BPHL: variants seen among roughly 807,000 people sequenced by gnomAD.
BPHL encodes biphenyl hydrolase like.
A neutral mutation model predicts 31.2 loss-of-function variants in BPHL; 27 were observed. The observed-to-expected ratio is 0.87, with a 90% confidence interval of 0.64 to 1.19. The LOEUF is 1.19. BPHL is among the 50% of genes most tolerant of loss of function. The probability of loss-of-function intolerance (pLI) is 0.00; values close to 1 mark genes in which losing one functional copy is unlikely to be tolerated. For missense variants in BPHL, 356 were observed against 375.7 expected, an observed-to-expected ratio of 0.95 and a Z score of 0.43; for synonymous variants, 150 against 146.8, an observed-to-expected ratio of 1.02 and a Z score of -0.16.
intron 4 of BPHL, among the ~76,000 whole-genome samples, chr6:3,132,143 C>G (rs1174597329): frequency 6.6e-6 from 1 of 152,222 alleles, no homozygotes; most frequent in Non-Finnish European, 1.5e-5. Flanking sequence ...CATCCCCCAT[C>G]CTCTCCTAAC....
chr6:3,124,745 GA>G (rs1219739165), intron 2 of BPHL, among the ~76,000 whole-genome samples: 5 of 148,890 alleles, frequency 3.4e-5, no homozygotes, highest in Non-Finnish European at 7.4e-5. Context: ...GAGGTTGGTT[GA>G]ATCCACAGAT....
chr6:3,137,541 C>T (rs780887816), intron 5 of BPHL, 48 bp downstream of exon 5: 21 of 1,608,014 alleles, frequency 1.3e-5, no homozygotes, highest in South Asian at 2.2e-5. Flanking sequence ...AGAGGGTGCT[C>T]GAGTTCCTCC....
At chr6:3,126,562 C>A (rs906013462) in intron 2 of BPHL, among the ~76,000 whole-genome samples, 1 of 149,600 alleles carries the variant, frequency 6.7e-6, no homozygotes, top group Non-Finnish European at 1.5e-5. Context: ...GGCCTGCACT[C>A]CGCCGGGAAA....
intron 6 of BPHL, among the ~76,000 whole-genome samples, chr6:3,151,580 C>G (rs2143381): frequency 0.084 from 12,826 of 152,122 alleles, 780 homozygotes; most frequent in African/African-American, 0.17. Flanking sequence ...AGTATTGAAA[C>G]TCAAAAAATT....
chr6:3,142,285 A>AT (rs1762199850), intron 6 of BPHL, among the ~76,000 whole-genome samples: 1 of 151,910 alleles, frequency 6.6e-6, no homozygotes, highest in East Asian at 1.9e-4. Context: ...CGCCCAGCTA[A>AT]TTTTTGCATT....
chr6:3,130,284 T>G (rs76661686), intron 4 of BPHL, among the ~76,000 whole-genome samples: 5,770 of 152,164 alleles, frequency 0.038, 148 homozygotes, highest in Non-Finnish European at 0.059. Context: ...AGACCTGCAC[T>G]GGTGGTCACT....
intron 5 of BPHL, chr6:3,138,099 A>G (rs1399157597): frequency 3.4e-6 from 3 of 878,364 alleles, no homozygotes; most frequent in East Asian, 6.3e-5. Flanking sequence ...GCTCACTGCA[A>G]TCTCTGTCTC....
intron 2 of BPHL, among the ~76,000 whole-genome samples, chr6:3,124,877 C>T (rs745519333): frequency 3.9e-5 from 6 of 152,138 alleles, no homozygotes; most frequent in Non-Finnish European, 5.9e-5. Context: ...CACTGTTGCA[C>T]GTGTGTCTAA....
chr6:3,130,470 G>A (rs900210343), intron 4 of BPHL, among the ~76,000 whole-genome samples: 5 of 152,052 alleles, frequency 3.3e-5, no homozygotes, highest in South Asian at 2.1e-4. Context: ...ACTGACCTGC[G>A]TTACCCTACT....
At chr6:3,118,969 G>T (rs927749591) in intron 1 of BPHL, 122 bp downstream of exon 1, 15 of 845,258 alleles carry the variant, frequency 1.8e-5, no homozygotes, top group Non-Finnish European at 2.1e-5. Flanking sequence ...GCGCGGCCTG[G>T]CTGCCCTGTC....
At chr6:3,142,575 AT>A (rs1163350962) in intron 6 of BPHL, among the ~76,000 whole-genome samples, 9 of 152,184 alleles carry the variant, frequency 5.9e-5, no homozygotes, top group African/African-American at 2.2e-4. Flanking sequence ...AATATTATCC[AT>A]TTTACAGATG....
chr6:3,118,915 C>T (rs1051823925), intron 1 of BPHL, 68 bp downstream of exon 1: 17 of 1,176,868 alleles, frequency 1.4e-5, no homozygotes, highest in Middle Eastern at 3.2e-4. Flanking sequence ...GGGAGGGGCG[C>T]GTGCCGACAG....
At position 3,137,454 on chromosome 6, in the gene BPHL, T is replaced by C; in HGVS notation, c.625T>C (p.Trp209Arg). The C allele has an allele frequency of 6.2e-7, 1 of 1,612,496 alleles. No homozygotes were observed. Among genetic ancestry groups the C allele is most frequent in the South Asian group, 1.1e-5 (1 of 90,980 alleles). The change falls in exon 5 of 7, where the codon TGG becomes CGG. Residue 209 changes from tryptophan to arginine, a missense_variant. Physicochemically the swap from Trp to Arg is moderately radical, Grantham distance 101 (BLOSUM62 -3). Coordinates refer to ENST00000380379, the MANE Select transcript of BPHL (RefSeq NM_004332.4). Reference sequence around the variant, plus strand: ...CTACTTTGCCAGAACCTGTGAAAAGTGGGTGGATGGCATAAGACAGTTTAA... The same window carrying C: ...CTACTTTGCCAGAACCTGTGAAAAGCGGGTGGATGGCATAAGACAGTTTAA... ...YDYFARTCEKWVDGIRQFKHL... is the reference protein window; with the variant it reads ...YDYFARTCEKRVDGIRQFKHL...
At chr6:3,138,967 C>T (rs367782872) in intron 5 of BPHL, 2 of 152,270 alleles carry the variant, frequency 1.3e-5, no homozygotes, top group African/African-American at 4.8e-5. Context: ...TAGGAGCCCT[C>T]TTTTCCGACT....
intron 3 of BPHL, among the ~76,000 whole-genome samples, chr6:3,128,812 A>G (rs1402729423): frequency 6.6e-6 from 1 of 152,234 alleles, no homozygotes; most frequent in East Asian, 1.9e-4. Context: ...CAGAAGATGT[A>G]GTTCCCTCCT....
chr6:3,144,372 C>T (rs201161874), intron 6 of BPHL, among the ~76,000 whole-genome samples: 10 of 64,804 alleles, frequency 1.5e-4, no homozygotes, highest in East Asian at 7.8e-4. Flanking sequence ...TGGCCTTCTT[C>T]TTTTTTTTTT....
rs191499596 is a variant in BPHL, at chr6:3,119,662, G to A, written c.107+815G>A. 2.7e-3 allele frequency: 2,915 copies of A among 1,093,362 alleles called. 9 individuals carry two copies. The highest frequency in any genetic ancestry group is 3.5e-3 in the Non-Finnish European group (2,603 of 753,924). 67.7% of individuals were successfully genotyped at this position (1,093,362 alleles called of 1,614,324 possible). A position where few individuals can be genotyped will look rare whatever the true frequency, so the allele number is the denominator to read the frequency against. On this transcript the variant is annotated intron_variant, in intron 1 of 6. Coordinates refer to ENST00000380379, the MANE Select transcript of BPHL (RefSeq NM_004332.4). The stretch of plus-strand genomic sequence containing the variant: ...TCTCTACATACATCCCTACACACAT[G>A]CAAACACACGTATACAACGAACGTA...
At position 3,118,939 on chromosome 6, in the gene BPHL, C is replaced by G. The variant is rs191488472; in HGVS notation, c.107+92C>G. 5.8e-4 allele frequency: 615 copies of G among 1,059,276 alleles called. 4 individuals are homozygous for G. The African/African-American group carries it at 9.0e-3, about 16-fold the overall frequency. The allele number at this position is 1,059,276 out of a possible 1,614,324, so 65.6% of individuals were successfully genotyped here. A position where few individuals can be genotyped will look rare whatever the true frequency, so the allele number is the denominator to read the frequency against. ...GCGTGCCGACAGCAGGAGTTCCCGG[C>G]GCGCGGGCACGGGGCGTGGGCGCGG... is the stretch of plus-strand genomic sequence containing the variant. On this transcript the variant is annotated intron_variant, in intron 1 of 6. Transcript: ENST00000380379.
intron 4 of BPHL, 67 bp downstream of exon 4, chr6:3,129,265 A>G (rs1301396673): frequency 1.8e-5 from 26 of 1,463,326 alleles, no homozygotes; most frequent in African/African-American, 2.8e-5. Context: ...CTCATCTCTT[A>G]TTGTGGGATA....
Sources: gnomAD v4.1 joint callset for allele counts (sites outside exome capture counted in the v4.1 genomes callset) on GRCh38, gnomAD v4.1.1 for gene constraint, MANE v1.5 for transcripts, NCBI Gene and HGNC (gene_info 2026-07-23, HGNC 2026-07-21) for gene names.